The following TMEM117 variants were observed in gnomAD, a reference collection of about 807,000 sequenced individuals.
The protein encoded by TMEM117 is transmembrane protein 117.
TMEM117 carries 27 observed loss-of-function variants against 52.4 expected under a neutral mutation model. The observed-to-expected ratio is 0.51, with a 90% CI of 0.38 to 0.71. The LOEUF is 0.71. TMEM117 is among the 30% of genes least tolerant of loss of function. The pLI is 0.00. For synonymous variants in TMEM117, 215 were observed against 206.3 expected (o/e 1.04, Z -0.36); for missense variants, 556 against 630.5 (o/e 0.88, Z 1.26).
At chr12:44,029,822 G>A (rs1264931712) in intron 3 of TMEM117, among the ~76,000 whole-genome samples, 1 of 152,190 alleles carries the variant, frequency 6.6e-6, no homozygotes, top group Non-Finnish European at 1.5e-5. Context: ...AGATAGCCCA[G>A]CAAACTGGTC....
At position 44,063,123 on chromosome 12, in the gene TMEM117, G is replaced by A. The variant is rs527712412; in HGVS notation, c.411-80402G>A. ...CTGCAGAATGTGACTGCTCAGAGAC[G>A]TAGAGACACCAAGACTGAAAATCCT... On this transcript the variant is annotated intron_variant, in intron 3 of 7. Coordinates refer to ENST00000266534, the MANE Select transcript of TMEM117 (RefSeq NM_032256.3). Among the ~76,000 whole-genome samples, 12 of 152,212 alleles carry A rather than the reference G, an allele frequency of 7.9e-5. No individual in the cohort carries two copies. In the South Asian group the frequency reaches 1.2e-3, roughly 16 times the overall value.
At chr12:44,328,688 T>G (rs372221845) in intron 6 of TMEM117, among the ~76,000 whole-genome samples, 2 of 152,238 alleles carry the variant, frequency 1.3e-5, no homozygotes, top group African/African-American at 4.8e-5. Flanking sequence ...ACCATTTCAA[T>G]TTGCTTGTTT....
chr12:44,041,704 T>C (rs141375107), intron 3 of TMEM117, among the ~76,000 whole-genome samples: 2 of 152,072 alleles, frequency 1.3e-5, no homozygotes, highest in African/African-American at 4.8e-5. Flanking sequence ...CTGATGAACA[T>C]AGATACAAAA....
chr12:43,870,467 C>T (rs1943684251), intron 2 of TMEM117, among the ~76,000 whole-genome samples: 2 of 152,020 alleles, frequency 1.3e-5, no homozygotes, highest in South Asian at 4.2e-4. Context: ...CCATGTTGGC[C>T]AGGATGGTCT....
intron 3 of TMEM117, among the ~76,000 whole-genome samples, chr12:43,955,934 G>A (rs577550174): frequency 4.3e-4 from 65 of 152,130 alleles, no homozygotes; most frequent in African/African-American, 1.3e-3. Context: ...GTACTGGTAC[G>A]AAAATAGGCA....
intron 1 of TMEM117, among the ~76,000 whole-genome samples, chr12:43,842,400 A>G (rs947872520): frequency 6.6e-6 from 1 of 152,172 alleles, no homozygotes; most frequent in Non-Finnish European, 1.5e-5. Context: ...AATTGCTTAG[A>G]AGGCTTATGA....
intron 5 of TMEM117, among the ~76,000 whole-genome samples, chr12:44,242,879 AAC>A (rs1950081040): frequency 6.6e-6 from 1 of 151,718 alleles, no homozygotes; most frequent in Non-Finnish European, 1.5e-5. Context: ...CACTCCCACC[AAC>A]AGTGTATAAG....
intron 3 of TMEM117, among the ~76,000 whole-genome samples, chr12:44,122,360 G>A (rs769839265): frequency 6.6e-6 from 1 of 151,844 alleles, no homozygotes; most frequent in Non-Finnish European, 1.5e-5. Flanking sequence ...TCTTTTTTGT[G>A]GCTGTGTAGT....
At chr12:43,871,413 T>C (rs1592322612) in intron 2 of TMEM117, among the ~76,000 whole-genome samples, 1 of 152,192 alleles carries the variant, frequency 6.6e-6, no homozygotes, top group African/African-American at 2.4e-5. Flanking sequence ...CTTTTTGACT[T>C]TTTAATACTA....
At chr12:44,291,381 T>TGTTTGTTTG (rs568987114) in intron 5 of TMEM117, among the ~76,000 whole-genome samples, 1 of 147,358 alleles carries the variant, frequency 6.8e-6, no homozygotes, top group African/African-American at 2.5e-5. Flanking sequence ...ACAGTTTTTT[T>TGTTTGTTTG]TTTTTTTTTT....
chr12:43,966,701 C>G (rs1178200988), intron 3 of TMEM117, among the ~76,000 whole-genome samples: 4 of 152,082 alleles, frequency 2.6e-5, no homozygotes, highest in African/African-American at 4.8e-5. Flanking sequence ...TAACTTGTAT[C>G]AGGCTGACTA....
intron 2 of TMEM117, among the ~76,000 whole-genome samples, chr12:43,910,026 GCA>G (rs1944468098): frequency 7.8e-6 from 1 of 127,996 alleles, no homozygotes; most frequent in Admixed American, 8.6e-5. Flanking sequence ...CCAAAGCCAG[GCA>G]GAGACACAAC....
At chr12:44,071,949 C>A (rs1416530164) in intron 3 of TMEM117, among the ~76,000 whole-genome samples, 2 of 152,170 alleles carry the variant, frequency 1.3e-5, no homozygotes, top group Admixed American at 1.3e-4. Flanking sequence ...AGCATCCAGG[C>A]TTCTTTGATG....
chr12:44,026,508 C>G (rs1252727576), intron 3 of TMEM117, among the ~76,000 whole-genome samples: 7 of 152,160 alleles, frequency 4.6e-5, no homozygotes, highest in Non-Finnish European at 1.0e-4. Flanking sequence ...CCCATTAAAA[C>G]CTTCCCAGTC....
intron 4 of TMEM117, among the ~76,000 whole-genome samples, chr12:44,187,301 C>CT (rs1227996433): frequency 2.0e-5 from 3 of 151,940 alleles, no homozygotes; most frequent in Non-Finnish European, 2.9e-5. Flanking sequence ...GATCTATATG[C>CT]TTATCAAAAC....
At chr12:44,273,413 C>T (rs1290730323) in intron 5 of TMEM117, among the ~76,000 whole-genome samples, 2 of 151,384 alleles carry the variant, frequency 1.3e-5, no homozygotes, top group East Asian at 3.9e-4. Flanking sequence ...ACCAATAGTA[C>T]TCAAATTATT....
chr12:44,210,699 A>G (rs1949634220), intron 4 of TMEM117, among the ~76,000 whole-genome samples: 1 of 152,168 alleles, frequency 6.6e-6, no homozygotes, highest in African/African-American at 2.4e-5. Context: ...AGACATCACA[A>G]TAGTAATATG....
intron 2 of TMEM117, among the ~76,000 whole-genome samples, chr12:43,873,959 T>A (rs1301363940): frequency 6.6e-6 from 1 of 152,178 alleles, no homozygotes; most frequent in Non-Finnish European, 1.5e-5. Context: ...GAGTTATAAT[T>A]ATTTTTTGTT....
chr12:44,181,390 G>T (rs1949196436), intron 4 of TMEM117, among the ~76,000 whole-genome samples: 1 of 152,046 alleles, frequency 6.6e-6, no homozygotes, highest in Non-Finnish European at 1.5e-5. Flanking sequence ...GTCTTCTGTT[G>T]CCATTGCTTT....
Sources: gnomAD v4.1 joint callset for allele counts (sites outside exome capture counted in the v4.1 genomes callset) on GRCh38, gnomAD v4.1.1 for gene constraint, MANE v1.5 for transcripts, NCBI Gene and HGNC (gene_info 2026-07-23, HGNC 2026-07-21) for gene names.